ADAMTSL1: variants seen among roughly 807,000 people sequenced by gnomAD.
The protein encoded by ADAMTSL1 is ADAMTS-like protein 1.
A neutral mutation model predicts 201.8 loss-of-function variants in ADAMTSL1; 126 were observed. That is an observed-to-expected ratio of 0.62 (90% CI 0.54 to 0.72). The LOEUF is 0.72. ADAMTSL1 is among the 30% of genes least tolerant of loss of function. The pLI is 0.00. For missense variants in ADAMTSL1, 2,679 were observed against 2,277.8 expected (o/e 1.18, Z -3.59); for synonymous variants, 1,121 against 903.4 (o/e 1.24, Z -4.32).
chr9:18,729,151 C>T (rs1411931661), intron 15 of ADAMTSL1, among the ~76,000 whole-genome samples: 2 of 152,174 alleles, frequency 1.3e-5, no homozygotes, highest in Non-Finnish European at 2.9e-5. Context: ...TTGGCCTAGC[C>T]ACCTGGCAGG....
intron 23 of ADAMTSL1, among the ~76,000 whole-genome samples, chr9:18,846,371 G>A (rs1042117034): frequency 1.3e-5 from 2 of 152,198 alleles, no homozygotes; most frequent in Non-Finnish European, 2.9e-5. Flanking sequence ...ACTGGATAGA[G>A]GTTACCCAGG....
At chr9:18,115,085 A>T (rs1825193556) in intron 1 of ADAMTSL1, among the ~76,000 whole-genome samples, 1 of 152,180 alleles carries the variant, frequency 6.6e-6, no homozygotes, top group African/African-American at 2.4e-5. Context: ...ATGAAACTTT[A>T]CATCGGTCAG....
chr9:18,192,799 G>T (rs1264754528), intron 2 of ADAMTSL1, among the ~76,000 whole-genome samples: 1 of 152,054 alleles, frequency 6.6e-6, no homozygotes, highest in Non-Finnish European at 1.5e-5. Flanking sequence ...AGAAAAGACT[G>T]GCCAACTTAG....
At chr9:18,291,100 A>G (rs16936532) in intron 2 of ADAMTSL1, among the ~76,000 whole-genome samples, 8,213 of 152,188 alleles carry the variant, frequency 0.054, 284 homozygotes, top group Non-Finnish European at 0.075. Flanking sequence ...TGACTTATGA[A>G]TTGGGTGAGA....
chr9:18,859,828 G>C (rs1025402159), intron 23 of ADAMTSL1, among the ~76,000 whole-genome samples: 1 of 151,950 alleles, frequency 6.6e-6, no homozygotes, highest in Non-Finnish European at 1.5e-5. Context: ...CTTCATAATG[G>C]TGCTGATTTT....
At chr9:18,835,254 A>G (rs1165076393) in intron 23 of ADAMTSL1, among the ~76,000 whole-genome samples, 3 of 152,118 alleles carry the variant, frequency 2.0e-5, no homozygotes, top group African/African-American at 7.2e-5. Context: ...TTTATTTGCC[A>G]TCCTGATTTC....
At chr9:18,526,625 G>C (rs1042314803) in intron 2 of ADAMTSL1, among the ~76,000 whole-genome samples, 2 of 152,152 alleles carry the variant, frequency 1.3e-5, no homozygotes, top group African/African-American at 4.8e-5. Context: ...CTCTTTTAGG[G>C]CAGGCCTTGT....
intron 26 of ADAMTSL1, among the ~76,000 whole-genome samples, chr9:18,902,732 G>A (rs1330227991): frequency 6.6e-6 from 1 of 152,096 alleles, no homozygotes; most frequent in Non-Finnish European, 1.5e-5. Context: ...GCTAGCAGAA[G>A]AGGATAATAA....
chr9:18,637,285 T>G (rs547441216), intron 6 of ADAMTSL1, among the ~76,000 whole-genome samples: 3 of 152,104 alleles, frequency 2.0e-5, no homozygotes, highest in African/African-American at 7.2e-5. Context: ...GATTCATTTT[T>G]CCCCATTTGA....
At position 18,908,742 on chromosome 9, in the gene ADAMTSL1, G is replaced by A; in HGVS notation, c.*194G>A. On this transcript the variant is annotated 3_prime_UTR_variant, in exon 29 of 29. Coordinates refer to ENST00000380548, the MANE Select transcript of ADAMTSL1 (RefSeq NM_001040272.6). ...TGTTTTCTCTTTCAGTTAGCTGGAG[G>A]ACAGGATGTTGGGAAAGGAAAGGAC... 1 of 544,010 alleles carries A rather than the reference G, an allele frequency of 1.8e-6. No homozygotes were observed. Among genetic ancestry groups the A allele is most frequent in the Middle Eastern group, 4.0e-4 (1 of 2,484 alleles). The allele number at this position is 544,010 out of a possible 1,614,324, so 33.7% of individuals were successfully genotyped here. A position where few individuals can be genotyped will look rare whatever the true frequency, so the allele number is the denominator to read the frequency against.
At chr9:18,815,378 TA>T (rs899938560) in intron 20 of ADAMTSL1, among the ~76,000 whole-genome samples, 314 of 141,648 alleles carry the variant, frequency 2.2e-3, no homozygotes, top group East Asian at 4.1e-3. Flanking sequence ...TTTCCACCAT[TA>T]AAAAAAAAAA....
intron 1 of ADAMTSL1, among the ~76,000 whole-genome samples, chr9:17,984,606 C>G (rs1818848481): frequency 6.6e-6 from 1 of 152,190 alleles, no homozygotes; most frequent in South Asian, 2.1e-4. Context: ...ACTTGTGTGA[C>G]TATTTCCAGA....
intron 4 of ADAMTSL1, among the ~76,000 whole-genome samples, chr9:18,604,426 C>T (rs924760253): frequency 2.0e-5 from 3 of 152,200 alleles, no homozygotes; most frequent in African/African-American, 4.8e-5. Flanking sequence ...CCATTTTCCC[C>T]TCTTCCTAAC....
At chr9:18,021,566 A>T (rs559123768) in intron 1 of ADAMTSL1, among the ~76,000 whole-genome samples, 1 of 152,162 alleles carries the variant, frequency 6.6e-6, no homozygotes, top group Non-Finnish European at 1.5e-5. Context: ...TCGTGGTTCC[A>T]TGGGACAAGC....
At position 18,906,911 on chromosome 9, in the gene ADAMTSL1, C is replaced by T. The variant is rs773144813; in HGVS notation, c.5181C>T (p.Asn1727=). 1.9e-6 allele frequency: 3 copies of T among 1,613,906 alleles called. No homozygotes were observed. Among genetic ancestry groups the T allele is most frequent in the South Asian group, 1.1e-5 (1 of 91,072 alleles). The change falls in exon 28 of 29, where the codon AAC becomes AAT. Residue 1727 remains asparagine, a splice_region_variant and synonymous_variant. Transcript: ENST00000380548. ...GCTGCAACATCACCCCATGTGAAAA[C>T]AGTATGTTCCAACCCCAAAGAACCT... ...WQRCNITPCE[N]MECRDTTRYC...
chr9:18,014,485 T>C (rs1367327389), intron 1 of ADAMTSL1, among the ~76,000 whole-genome samples: 1 of 152,002 alleles, frequency 6.6e-6, no homozygotes, highest in African/African-American at 2.4e-5. Flanking sequence ...ATTTCAACAA[T>C]AAAATATTAA....
In ADAMTSL1 at chr9:18,371,601, C is replaced by G. The variant is rs1218564689; in HGVS notation, c.208-133228C>G. On this transcript the variant is annotated intron_variant, in intron 2 of 29. Transcript: ENST00000680146. ...TTCTTTGAACATATATTGTTAAACA[C>G]AAAAGGATAGTAAAGTTATATCGAA... Among the ~76,000 whole-genome samples the G allele has an allele frequency of 2.0e-5, 3 of 152,068 alleles. No homozygotes were observed. The East Asian group carries it at 5.8e-4, about 29-fold the overall frequency.
At chr9:18,407,207 A>G (rs548854035) in intron 2 of ADAMTSL1, among the ~76,000 whole-genome samples, 8 of 151,830 alleles carry the variant, frequency 5.3e-5, no homozygotes, top group African/African-American at 1.9e-4. Flanking sequence ...GGGTTCTCAC[A>G]AGAGCTTTAC....
intron 1 of ADAMTSL1, among the ~76,000 whole-genome samples, chr9:18,032,140 A>G (rs1047837638): frequency 4.6e-5 from 7 of 152,178 alleles, no homozygotes; most frequent in African/African-American, 1.7e-4. Context: ...CTTGGGCAGA[A>G]GCTGTGGCTG....
Sources: allele counts gnomAD v4.1 joint callset (sites outside exome capture counted in the v4.1 genomes callset), GRCh38; gene constraint gnomAD v4.1.1; transcripts MANE v1.5; gene names NCBI Gene and HGNC (gene_info 2026-07-23, HGNC 2026-07-21).